The following ORC3 variants were observed in gnomAD, a reference collection of about 807,000 sequenced individuals.
ORC3 encodes origin recognition complex subunit 3.
In ORC3, 78 loss-of-function variants were observed where a neutral mutation model predicts 100.7. That is an observed-to-expected ratio of 0.77 (90% CI 0.65 to 0.94). The LOEUF (loss-of-function observed/expected upper bound fraction) is 0.94. Among genes scored for constraint, ORC3 ranks in the 40% least tolerant of loss-of-function variants. The pLI, the probability that ORC3 is intolerant of heterozygous loss-of-function variation, is 0.00. For missense variants in ORC3, 789 were observed against 823.9 expected, an observed-to-expected ratio of 0.96 and a Z score of 0.52; for synonymous variants, 295 against 289.3, an observed-to-expected ratio of 1.02 and a Z score of -0.20.
At chr6:87,675,817 C>G in the ORC3 span, 2 of 1,556,340 alleles carry the variant, frequency 1.3e-6, no homozygotes, top group Admixed American at 1.8e-5. Flanking sequence ...CCTTAAAAGA[C>G]AGTCTTATTT....
At chr6:87,601,506 A>C (rs1184901920) in intron 2 of ORC3, among the ~76,000 whole-genome samples, 1 of 152,048 alleles carries the variant, frequency 6.6e-6, no homozygotes, top group Non-Finnish European at 1.5e-5. Context: ...CCCCATCTCT[A>C]CTAAAAATAC....
chr6:87,636,481 G>C lies in ORC3; in HGVS notation c.1377G>C (p.Leu459=). The change falls in exon 13 of 20, where the codon CTG becomes CTC. Residue 459 remains leucine (L), a synonymous_variant. Coordinates refer to ENST00000392844, the MANE Select transcript of ORC3 (RefSeq NM_012381.4). ...DSEEYASVLQ[L]LRMLAKDELM... ...AGGAGTATGCATCAGTCTTGCAGCT[G>C]CTGAGGTAGTTTTGTTTTTTCTTGT... is the stretch of plus-strand genomic sequence containing the variant. The C allele has an allele frequency of 6.2e-7, 1 of 1,607,416 alleles. No homozygotes were observed. Among genetic ancestry groups the C allele is most frequent in the South Asian group, 1.1e-5 (1 of 90,890 alleles).
the ORC3 span, among the ~76,000 whole-genome samples, chr6:87,673,564 C>T: frequency 4.2e-4 from 64 of 152,116 alleles, 1 homozygote; most frequent in Admixed American, 4.2e-3. Context: ...TAGAATTGGC[C>T]AGGCGCAGTG....
At chr6:87,612,711 A>G (rs1177707391) in intron 8 of ORC3, among the ~76,000 whole-genome samples, 1 of 152,156 alleles carries the variant, frequency 6.6e-6, no homozygotes, top group Non-Finnish European at 1.5e-5. Flanking sequence ...TCCCAGGTTC[A>G]AGTGATTCTC....
chr6:87,648,405 G>A (rs1768972349), intron 13 of ORC3, among the ~76,000 whole-genome samples: 2 of 152,102 alleles, frequency 1.3e-5, no homozygotes, highest in Admixed American at 1.3e-4. Flanking sequence ...TATATATGGT[G>A]TTCCACACTT....
chr6:87,597,710 C>CACACACATAT (rs1554234483), intron 2 of ORC3, among the ~76,000 whole-genome samples: 31 of 140,694 alleles, frequency 2.2e-4, no homozygotes, highest in African/African-American at 8.4e-4. Flanking sequence ...CACACACACA[C>CACACACATAT]ATATATATAT....
At chr6:87,676,900 C>T in the ORC3 span, among the ~76,000 whole-genome samples, 48 of 151,464 alleles carry the variant, frequency 3.2e-4, no homozygotes, top group South Asian at 8.4e-4. Context: ...CACGGTGAAA[C>T]CCTGTCTCTA....
At position 87,594,374 on chromosome 6, in the gene ORC3, A is replaced by C. The variant is rs1240957378; in HGVS notation, c.46A>C (p.Asn16His). The change falls in exon 2 of 20, where the codon AAC becomes CAC. Residue 16 changes from asparagine (N) to histidine (H), a missense_variant. By Grantham distance (68) the Asn-to-His change is moderately conservative (BLOSUM62 1). Transcript: ENST00000392844. ...MSKGCFVFKP[N>H]SKKRKISLPI... ...ATAGGGTTGCTTTGTTTTTAAGCCA[A>C]ACTCCAAAAAGAGAAAGATCTCTCT... is the stretch of plus-strand genomic sequence containing the variant. The C allele has an allele frequency of 6.3e-7, 1 of 1,585,388 alleles. No individual in the cohort carries two copies. Among genetic ancestry groups the C allele is most frequent in the African/African-American group, 1.3e-5 (1 of 74,698 alleles).
chr6:87,624,199 T>C (rs913823822), intron 11 of ORC3, among the ~76,000 whole-genome samples: 2 of 151,458 alleles, frequency 1.3e-5, no homozygotes, highest in African/African-American at 4.9e-5. Flanking sequence ...AATGAATGTT[T>C]TAGGCCAGGC....
chr6:87,609,024 C>T, intron 6 of ORC3, 72 bp from the exon 7 acceptor site: 1 of 1,216,286 alleles, frequency 8.2e-7, no homozygotes, highest in Non-Finnish European at 1.1e-6. Flanking sequence ...GATATGTCAA[C>T]ATGTGGCATT....
chr6:87,650,027 A>G lies in ORC3; in HGVS notation c.1383-3089A>G, dbSNP rs1029573080. On this transcript the variant is annotated intron_variant, in intron 13 of 19. Coordinates refer to ENST00000392844, the MANE Select transcript of ORC3 (RefSeq NM_012381.4). The stretch of plus-strand genomic sequence containing the variant: ...TATGGATATGTATATATGCATGCAT[A>G]TATATTTTTTATTCACTTACTTTTT... Among the ~76,000 whole-genome samples, 4 of 145,128 alleles carry G rather than the reference A, an allele frequency of 2.8e-5. No homozygotes were observed. In the East Asian group the frequency reaches 8.1e-4, roughly 29 times the overall value.
intron 13 of ORC3, among the ~76,000 whole-genome samples, chr6:87,643,531 G>A (rs1408777195): frequency 2.0e-5 from 3 of 152,136 alleles, no homozygotes; most frequent in African/African-American, 4.8e-5. Flanking sequence ...AAATTGGCTC[G>A]AAAACTGGAC....
intron 9 of ORC3, among the ~76,000 whole-genome samples, chr6:87,620,923 C>G (rs1183014517): frequency 2.6e-5 from 4 of 152,160 alleles, no homozygotes; most frequent in African/African-American, 9.7e-5. Flanking sequence ...TCCATAGGCA[C>G]AGCTCCTACC....
At position 87,657,927 on chromosome 6, in the gene ORC3, T is replaced by C. The variant is rs746096996; in HGVS notation, c.1600T>C (p.Leu534=). 25 of 1,522,908 alleles carry C rather than the reference T, an allele frequency of 1.6e-5. 1 individual carries two copies. The South Asian group carries it at 2.1e-4, about 13-fold the overall frequency. The allele number at this position is 1,522,908 out of a possible 1,614,324, so 94.3% of individuals were successfully genotyped here. ...TDLYHLQKSL[L]EMKELRRSKK... ...TATGTTCTTTTATCTATAGTCCTTA[T>C]TGGAAATGAAGGAGTTAAGAAGAAG... is the stretch of plus-strand genomic sequence containing the variant. Residue 534 remains leucine (L), a synonymous_variant, in exon 16 of 20, where the codon TTG becomes CTG. Coordinates refer to ENST00000392844, the MANE Select transcript of ORC3 (RefSeq NM_012381.4).
At chr6:87,594,635 T>C (rs1331096704) in intron 2 of ORC3, 2 of 1,061,648 alleles carry the variant, frequency 1.9e-6, no homozygotes, top group Non-Finnish European at 2.4e-6. Flanking sequence ...GCAAATTTCC[T>C]TCAAAGGATA....
At chr6:87,659,098 C>G (rs1769974227) in intron 16 of ORC3, among the ~76,000 whole-genome samples, 1 of 126,918 alleles carries the variant, frequency 7.9e-6, no homozygotes, top group African/African-American at 3.1e-5. Context: ...GAGTCTCACT[C>G]TGTCGCCCAG....
rs185962574 is a variant in ORC3 at position 87,656,360 on chromosome 6, G to A, written c.1517-546G>A. 9.1e-3 allele frequency among the ~76,000 whole-genome samples: 1,385 copies of A among 152,258 alleles called. 20 individuals carry two copies. Among genetic ancestry groups the A allele is most frequent in the African/African-American group, 0.031 (1,290 of 41,550 alleles). On this transcript the variant is annotated intron_variant, in intron 14 of 19. Transcript: ENST00000392844. ...CCCAGCACTTTGGGAGGCCAAAGCGGGTGGATCACCTGAGGTCAGCAGTTC... is the reference window on the plus strand; with the variant it reads ...CCCAGCACTTTGGGAGGCCAAAGCGAGTGGATCACCTGAGGTCAGCAGTTC...
At chr6:87,666,943 TATTTTAACATTGAG>T in intron 19 of ORC3, 61 bp from the exon 20 acceptor site, 1 of 797,690 alleles carries the variant, frequency 1.3e-6, no homozygotes. Context: ...TACCAACTAG[TATTTTAACATTGAG>T]ATTTTAATCC....
chr6:87,655,668 T>A (rs1562378536), intron 14 of ORC3, among the ~76,000 whole-genome samples: 1 of 145,938 alleles, frequency 6.9e-6, no homozygotes, highest in Admixed American at 6.9e-5. Context: ...TTATTATTAT[T>A]TTTTTTTTTT....
Sources: allele counts gnomAD v4.1 joint callset (sites outside exome capture counted in the v4.1 genomes callset), GRCh38; gene constraint gnomAD v4.1.1; transcripts MANE v1.5; gene names NCBI Gene and HGNC (gene_info 2026-07-23, HGNC 2026-07-21).